The following RCBTB1 variants were observed in gnomAD, a reference collection of about 807,000 sequenced individuals.
RCBTB1 encodes the protein RCC1 and BTB domain containing protein 1.
In RCBTB1, 46 loss-of-function variants were observed where a neutral mutation model predicts 62.4. The observed-to-expected ratio is 0.74, with a 90% CI of 0.58 to 0.94. The LOEUF (loss-of-function observed/expected upper bound fraction) is 0.94. RCBTB1 is among the 40% of genes least tolerant of loss of function. The pLI is 0.00. For missense variants in RCBTB1, 565 were observed against 654.9 expected (o/e 0.86, Z 1.50); for synonymous variants, 222 against 245.8 (o/e 0.90, Z 0.91).
At chr13:49,557,888 A>G (rs990560929) in intron 5 of RCBTB1, among the ~76,000 whole-genome samples, 14 of 152,216 alleles carry the variant, frequency 9.2e-5, no homozygotes, top group Non-Finnish European at 1.8e-4. Context: ...ACAGGGCTAC[A>G]ATATTCACAC....
chr13:49,537,530 G>A (rs1345609287), intron 12 of RCBTB1, among the ~76,000 whole-genome samples: 2 of 152,138 alleles, frequency 1.3e-5, no homozygotes, highest in Non-Finnish European at 2.9e-5. Context: ...CACGTTTATC[G>A]CTTCCCTCCA....
At chr13:49,566,920 G>A in intron 3 of RCBTB1, 152 bp from the exon 4 acceptor site, 1 of 844,426 alleles carries the variant, frequency 1.2e-6, no homozygotes, top group Non-Finnish European at 1.8e-6. Context: ...AACCTCTGTG[G>A]ACATTGCTTA....
intron 7 of RCBTB1, among the ~76,000 whole-genome samples, chr13:49,551,704 T>C (rs1961359952): frequency 6.6e-6 from 1 of 152,050 alleles, no homozygotes; most frequent in Admixed American, 6.6e-5. Context: ...ATTGAGACCA[T>C]CCTGGCTAAC....
intron 2 of RCBTB1, among the ~76,000 whole-genome samples, chr13:49,570,232 A>G (rs1963307261): frequency 6.6e-6 from 1 of 152,250 alleles, no homozygotes; most frequent in Admixed American, 6.5e-5. Flanking sequence ...TAAAATCATT[A>G]AACAAATATG....
At chr13:49,585,109 C>T (rs971711249) in intron 1 of RCBTB1, among the ~76,000 whole-genome samples, 1 of 152,222 alleles carries the variant, frequency 6.6e-6, no homozygotes, top group Admixed American at 6.5e-5. Flanking sequence ...AGTAAAACGG[C>T]ACCCACAGCA....
At position 49,534,096 on chromosome 13, in the gene RCBTB1, C is replaced by T. The variant is rs957292391; in HGVS notation, c.*26G>A. 1.4e-5 allele frequency: 22 copies of T among 1,608,322 alleles called. No homozygotes were observed. The Admixed American group carries it at 2.9e-4, about 21-fold the overall frequency. On this transcript the variant is annotated 3_prime_UTR_variant, in exon 13 of 13. Coordinates refer to ENST00000378302, the MANE Select transcript of RCBTB1 (RefSeq NM_018191.4). Reference sequence around the variant, plus strand: ...ATCCTCAACAGTGCCCCAGAGCACTCACACAGAACCCAGCAGCCTTGCGCT... The same window carrying T: ...ATCCTCAACAGTGCCCCAGAGCACTTACACAGAACCCAGCAGCCTTGCGCT...
In RCBTB1 at chr13:49,567,170, A is replaced by C. The variant is rs1294499627; in HGVS notation, c.110T>G (p.Val37Gly). The change falls in exon 3 of 13, where the codon GTT becomes GGT. Residue 37 changes from valine to glycine, a missense_variant. Coordinates refer to ENST00000378302, the MANE Select transcript of RCBTB1 (RefSeq NM_018191.4). ...GACTCTTACCTCATCATTGTCAGTA[A>C]CGTACAGTGCTTCACTGGCTGAGGT... is the stretch of plus-strand genomic sequence containing the variant. ...FGTSASEALY[V>G]TDNDEVFVFG... is the part of the protein sequence containing the mutation. The C allele has an allele frequency of 6.2e-7, 1 of 1,614,148 alleles. No individual in the cohort carries two copies. The highest frequency in any genetic ancestry group is 8.5e-7 in the Non-Finnish European group (1 of 1,179,980).
At position 49,572,465 on chromosome 13, in the gene RCBTB1, A is replaced by C. The variant is rs555050445; in HGVS notation, c.-41-5145T>G. 3.9e-5 allele frequency among the ~76,000 whole-genome samples: 6 copies of C among 152,334 alleles called. No individual in the cohort carries two copies. In the East Asian group the frequency reaches 1.2e-3, roughly 29 times the overall value. On this transcript the variant is annotated intron_variant, in intron 2 of 12. Coordinates refer to ENST00000378302, the MANE Select transcript of RCBTB1 (RefSeq NM_018191.4). The stretch of plus-strand genomic sequence containing the variant: ...CAGACTTATTCTAACTATGGATTTC[A>C]TTTCAAAGGAATATAAATGTAGTTC...
chr13:49,538,760 C>T (rs1185872488), intron 12 of RCBTB1, among the ~76,000 whole-genome samples: 1 of 151,234 alleles, frequency 6.6e-6, no homozygotes, highest in Non-Finnish European at 1.5e-5. Context: ...TATATATATA[C>T]ACACACACAC....
chr13:49,566,853 T>C, intron 3 of RCBTB1, 85 bp from the exon 4 acceptor site: 1 of 1,299,670 alleles, frequency 7.7e-7, no homozygotes, highest in Non-Finnish European at 1.1e-6. Flanking sequence ...AATAAGACAT[T>C]TCAACTACAG....
At chr13:49,537,049 G>A (rs896121894) in intron 12 of RCBTB1, among the ~76,000 whole-genome samples, 3 of 152,098 alleles carry the variant, frequency 2.0e-5, no homozygotes, top group African/African-American at 4.8e-5. Flanking sequence ...CGCCTCTAAG[G>A]GAGTTCTTAC....
chr13:49,566,027 C>T (rs1962968232), intron 4 of RCBTB1, among the ~76,000 whole-genome samples: 1 of 148,338 alleles, frequency 6.7e-6, no homozygotes, highest in Non-Finnish European at 1.5e-5. Flanking sequence ...AAGGGCGGTG[C>T]AAGATGTGCT....
intron 12 of RCBTB1, among the ~76,000 whole-genome samples, chr13:49,535,013 G>C (rs989970021): frequency 2.0e-5 from 3 of 152,070 alleles, no homozygotes; most frequent in Admixed American, 1.3e-4. Context: ...TAGCCTGGGT[G>C]ACAGAGCAGA....
At chr13:49,554,772 T>C (rs1055701276) in intron 6 of RCBTB1, among the ~76,000 whole-genome samples, 5 of 152,184 alleles carry the variant, frequency 3.3e-5, no homozygotes, top group African/African-American at 1.2e-4. Context: ...CCCAAAACCA[T>C]GCCCCCAACA....
chr13:49,553,995 C>T (rs1961625380), intron 6 of RCBTB1, among the ~76,000 whole-genome samples: 1 of 152,164 alleles, frequency 6.6e-6, no homozygotes, highest in Non-Finnish European at 1.5e-5. Flanking sequence ...ACATGTTCAT[C>T]AGTAGAGCTC....
At chr13:49,542,150 G>A (rs965043365) in intron 10 of RCBTB1, among the ~76,000 whole-genome samples, 1 of 151,628 alleles carries the variant, frequency 6.6e-6, no homozygotes, top group African/African-American at 2.4e-5. Flanking sequence ...GGAGGTGGAG[G>A]TTGTGGCGAG....
At chr13:49,566,540 T>G in intron 4 of RCBTB1, 78 bp downstream of exon 4, 1 of 1,350,178 alleles carries the variant, frequency 7.4e-7, no homozygotes, top group Non-Finnish European at 1.0e-6. Context: ...TTATCTGGTA[T>G]AGCCCTATCT....
chr13:49,573,594 G>A (rs544899834), intron 2 of RCBTB1, among the ~76,000 whole-genome samples: 291 of 151,692 alleles, frequency 1.9e-3, no homozygotes, highest in Non-Finnish European at 2.7e-3. Flanking sequence ...GATTACAGGC[G>A]CCCACCATCA....
In RCBTB1 at chr13:49,541,798, G is replaced by A. The variant is rs556664001; in HGVS notation, c.1202C>T (p.Ser401Leu). The change falls in exon 11 of 13, where the codon TCG (serine) becomes TTG (leucine). Residue 401 changes from serine to leucine, a missense_variant. Ser to Leu is a moderately radical substitution (Grantham distance 145). Transcript: ENST00000378302. ...RCEHFRSMFQSYWNEDMKEVI... is the reference protein window; with the variant it reads ...RCEHFRSMFQLYWNEDMKEVI... ...TTCCTTCATGTCTTCATTCCAATAC[G>A]ACTGGAACATGGATCGAAAATGCTC... 2.0e-5 allele frequency: 32 copies of A among 1,613,336 alleles called. No individual in the cohort carries two copies. Among genetic ancestry groups the A allele is most frequent in the Admixed American group, 1.0e-4 (6 of 59,824 alleles).
Sources: gnomAD v4.1 joint callset for allele counts (sites outside exome capture counted in the v4.1 genomes callset) on GRCh38, gnomAD v4.1.1 for gene constraint, MANE v1.5 for transcripts, NCBI Gene and HGNC (gene_info 2026-07-23, HGNC 2026-07-21) for gene names.